Variants in MAJIN observed in about 807,000 individuals in gnomAD.
MAJIN encodes the protein membrane anchored junction protein.
In MAJIN, 27 loss-of-function variants were observed where a neutral mutation model predicts 30.2. The ratio of observed to expected loss-of-function variants is 0.89; its 90% confidence interval spans 0.66 to 1.23. MAJIN has a LOEUF of 1.23. Ranked by LOEUF, MAJIN falls within the 50% of genes most tolerant of loss-of-function variation. The pLI is 0.00. For synonymous variants in MAJIN, 78 were observed against 91.6 expected, an observed-to-expected ratio of 0.85 and a Z score of 0.85; for missense variants, 253 against 260.3, an observed-to-expected ratio of 0.97 and a Z score of 0.19.
At chr11:64,960,315 A>G (rs1590704313) in intron 1 of MAJIN, among the ~76,000 whole-genome samples, 180 bp from the exon 2 acceptor site, 1 of 152,192 alleles carries the variant, frequency 6.6e-6, no homozygotes, top group Admixed American at 6.5e-5. Flanking sequence ...AGAGAATCTG[A>G]GTTTGAATCT....
rs76273223 is a variant in MAJIN, at chr11:64,946,478, G to A, written c.473+896C>T. Among the ~76,000 whole-genome samples the A allele has an allele frequency of 1.6e-3, 240 of 152,242 alleles. 1 individual carries two copies. Among genetic ancestry groups the A allele is most frequent in the African/African-American group, 5.7e-3 (235 of 41,538 alleles). The stretch of plus-strand genomic sequence containing the variant: ...CCTCATTTGCATGGAAAATTCAGTC[G>A]AATGGAACAAAGCAAAGCTTCATAC... On this transcript the variant is annotated intron_variant, in intron 8 of 10. Coordinates refer to ENST00000301896, the MANE Select transcript of MAJIN (RefSeq NM_001037225.3).
chr11:64,950,401 C>T lies in MAJIN; in HGVS notation c.177G>A (p.Leu59=). The change falls in exon 5 of 11, where the codon TTG becomes TTA. Residue 59 remains leucine (L), a synonymous_variant. Transcript: ENST00000301896. ...CTGTAGCAAAGGGCTGAAGATTGTC[C>T]AAGTTTCCCAAGACCACGCGGACAG... ...EDSVRVVLGN[L]DNLQPFATEH... 1 of 1,612,006 alleles carries T rather than the reference C, an allele frequency of 6.2e-7. No individual in the cohort carries two copies. Among genetic ancestry groups the T allele is most frequent in the East Asian group, 2.2e-5 (1 of 44,842 alleles).
chr11:64,956,364 C>T (rs1945631870), intron 3 of MAJIN, among the ~76,000 whole-genome samples: 1 of 151,948 alleles, frequency 6.6e-6, no homozygotes, highest in South Asian at 2.1e-4. Context: ...TGGCGGGCGC[C>T]TGTAATTCCA....
intron 1 of MAJIN, among the ~76,000 whole-genome samples, chr11:64,963,405 T>C (rs927350665): frequency 2.0e-5 from 3 of 152,210 alleles, no homozygotes; most frequent in Non-Finnish European, 2.9e-5. Flanking sequence ...CCAAATGCTA[T>C]ATGAGGATAA....
intron 1 of MAJIN, among the ~76,000 whole-genome samples, chr11:64,960,635 T>C (rs17146511): frequency 0.041 from 6,258 of 152,256 alleles, 161 homozygotes; most frequent in Middle Eastern, 0.065. Context: ...AAACATAAAA[T>C]CACTTTTTAA....
chr11:64,956,876 C>T (rs1467372602), intron 3 of MAJIN, among the ~76,000 whole-genome samples: 2 of 147,786 alleles, frequency 1.4e-5, no homozygotes, highest in Non-Finnish European at 3.0e-5. Context: ...AAGCGATTCT[C>T]CTGCCTCAGC....
At chr11:64,940,487 C>T in intron 9 of MAJIN, 87 bp downstream of exon 9, 1 of 1,390,956 alleles carries the variant, frequency 7.2e-7, no homozygotes, top group Non-Finnish European at 1.0e-6. Flanking sequence ...CACCCAGACT[C>T]AGCTCTGTGC....
intron 3 of MAJIN, among the ~76,000 whole-genome samples, chr11:64,955,935 G>A (rs1194046113): frequency 6.6e-6 from 1 of 152,194 alleles, no homozygotes; most frequent in East Asian, 1.9e-4. Flanking sequence ...GGGAGGCCAA[G>A]GCAGGTGGAT....
chr11:64,954,666 G>T (rs1189639787), intron 4 of MAJIN, 91 bp downstream of exon 4: 12 of 1,280,698 alleles, frequency 9.4e-6, no homozygotes, highest in Non-Finnish European at 1.3e-5. Context: ...AGTGGAGGTT[G>T]TGACTCAGTT....
At chr11:64,951,643 T>TA (rs1408693697) in intron 4 of MAJIN, among the ~76,000 whole-genome samples, 1 of 151,828 alleles carries the variant, frequency 6.6e-6, no homozygotes, top group Non-Finnish European at 1.5e-5. Flanking sequence ...CACACGCCAG[T>TA]AGTCCCAGCT....
rs1326793107 is a variant in MAJIN, at chr11:64,946,260, T to C, written c.473+1114A>G. On this transcript the variant is annotated intron_variant, in intron 8 of 10. Coordinates refer to ENST00000301896, the MANE Select transcript of MAJIN (RefSeq NM_001037225.3). ...TATTTCAGCAGGTTGGCTATTGTTA[T>C]ACTACTCCTGGCTGGCAGAATAAAT... 4.9e-6 allele frequency: 6 copies of C among 1,235,082 alleles called. No individual in the cohort carries two copies. The South Asian group carries it at 6.4e-5, about 13-fold the overall frequency. The allele number at this position is 1,235,082 out of a possible 1,614,324, so 76.5% of individuals were successfully genotyped here.
At chr11:64,953,400 A>T (rs1050779358) in intron 4 of MAJIN, among the ~76,000 whole-genome samples, 8 of 152,178 alleles carry the variant, frequency 5.3e-5, no homozygotes, top group Non-Finnish European at 1.0e-4. Context: ...ACTGGCTCTA[A>T]AGTCTGTGTT....
intron 4 of MAJIN, chr11:64,953,980 G>A (rs576428518): frequency 6.5e-6 from 1 of 153,390 alleles, no homozygotes; most frequent in East Asian, 1.9e-4. Flanking sequence ...GTGTTTAAGT[G>A]TATTTAATTG....
intron 8 of MAJIN, among the ~76,000 whole-genome samples, chr11:64,947,096 T>A (rs1007990162): frequency 5.3e-5 from 8 of 152,232 alleles, no homozygotes; most frequent in African/African-American, 1.9e-4. Flanking sequence ...GTAAGTATTA[T>A]TGAATGTGCT....
chr11:64,967,012 A>T (rs1590709360), intron 1 of MAJIN, among the ~76,000 whole-genome samples: 1 of 151,868 alleles, frequency 6.6e-6, no homozygotes, highest in Non-Finnish European at 1.5e-5. Flanking sequence ...GTTGTGGCTC[A>T]TGCCTGTAAT....
At chr11:64,952,773 C>T (rs1945573883) in intron 4 of MAJIN, among the ~76,000 whole-genome samples, 1 of 152,034 alleles carries the variant, frequency 6.6e-6, no homozygotes, top group African/African-American at 2.4e-5. Context: ...GGTGCGATCT[C>T]GGCTCACTGC....
chr11:64,952,291 G>A (rs533407476), intron 4 of MAJIN, among the ~76,000 whole-genome samples: 5 of 151,848 alleles, frequency 3.3e-5, no homozygotes, highest in Admixed American at 6.6e-5. Flanking sequence ...GGGTTCAAGC[G>A]ATTCTCCTGC....
intron 1 of MAJIN, among the ~76,000 whole-genome samples, chr11:64,970,780 C>G (rs1945888039): frequency 6.6e-6 from 1 of 152,222 alleles, no homozygotes; most frequent in Non-Finnish European, 1.5e-5. Context: ...TCAATCAAGG[C>G]TCTGGGGAGT....
intron 3 of MAJIN, among the ~76,000 whole-genome samples, chr11:64,956,412 C>A (rs930671658): frequency 1.8e-4 from 28 of 152,032 alleles, no homozygotes; most frequent in African/African-American, 6.5e-4. Context: ...TCACTTCAAC[C>A]CGGGAGGTGG....
Sources: gnomAD v4.1 joint callset for allele counts (sites outside exome capture counted in the v4.1 genomes callset) on GRCh38, gnomAD v4.1.1 for gene constraint, MANE v1.5 for transcripts, NCBI Gene and HGNC (gene_info 2026-07-23, HGNC 2026-07-21) for gene names.